CBFA2T2: variants seen among roughly 807,000 people sequenced by gnomAD.
CBFA2T2 encodes the protein protein CBFA2T2.
A neutral mutation model predicts 62.2 loss-of-function variants in CBFA2T2; 11 were observed. The ratio of observed to expected loss-of-function variants is 0.18; its 90% CI spans 0.11 to 0.29. The LOEUF (loss-of-function observed/expected upper bound fraction) is 0.29. Ranked by LOEUF, CBFA2T2 falls within the 10% of genes least tolerant of loss-of-function variation. The probability of loss-of-function intolerance (pLI) is 1.00; values close to 1 mark genes in which losing one functional copy is unlikely to be tolerated. For synonymous variants in CBFA2T2, 295 were observed against 287.5 expected, an observed-to-expected ratio of 1.03 and a Z score of -0.27; for missense variants, 592 against 774.1, an observed-to-expected ratio of 0.76 and a Z score of 2.79.
At chr20:33,562,844 A>G (rs533676421) in intron 1 of CBFA2T2, among the ~76,000 whole-genome samples, 200 of 151,906 alleles carry the variant, frequency 1.3e-3, no homozygotes, top group Non-Finnish European at 2.2e-3. Flanking sequence ...TTATGTTTCT[A>G]TTTTTCTGTT....
chr20:33,644,616 T>C lies in CBFA2T2; in HGVS notation c.1758T>C (p.Ser586=). 6.2e-7 allele frequency: 1 copy of C among 1,610,000 alleles called. No homozygotes were observed. The highest frequency in any genetic ancestry group is 8.5e-7 in the Non-Finnish European group (1 of 1,176,716). ...CATCGCGTTCCTCAACACCTGCTTC[T>C]GTGACAGCTATCGACACCAACGGAC... ...ATTSRSSTPA[S]VTAIDTNGL is the part of the protein sequence containing the mutation. The change falls in exon 11 of 11, where the codon TCT becomes TCC. Residue 586 remains serine, a synonymous_variant. Transcript: ENST00000342704.
intron 1 of CBFA2T2, among the ~76,000 whole-genome samples, chr20:33,511,565 A>G (rs575797172): frequency 6.6e-6 from 1 of 152,268 alleles, no homozygotes; most frequent in South Asian, 2.1e-4. Flanking sequence ...GTAAAGAGAA[A>G]AGTAACAGAA....
In CBFA2T2 at chr20:33,490,271, G is replaced by T; in HGVS notation, c.4G>T (p.Val2Leu). 8.0e-7 allele frequency: 1 copy of T among 1,255,146 alleles called. No homozygotes were observed. The allele number at this position is 1,255,146 out of a possible 1,614,324, so 77.8% of individuals were successfully genotyped here. The change falls in exon 1 of 11, where the codon GTA becomes TTA. Residue 2 changes from valine to leucine, a missense_variant. Around this residue, in one of 3 missense-constraint regions of CBFA2T2, gnomAD observed 449 missense variants for 551.2 expected, o/e 0.81. Transcript: ENST00000342704. MVGVPGAAAFQL... is the reference protein window; with the variant it reads MLGVPGAAAFQL... ...CGCGCGGCGGCGGCGCTCGGCGATG[G>T]TAGGCGTCCCTGGAGCGGCCGCCTT...
intron 1 of CBFA2T2, among the ~76,000 whole-genome samples, chr20:33,576,291 G>A (rs1387911151): frequency 6.6e-6 from 1 of 152,054 alleles, no homozygotes; most frequent in African/African-American, 2.4e-5. Context: ...ATCTAGCAGA[G>A]GTCTCATCTT....
chr20:33,530,211 TA>T (rs1208920329), intron 1 of CBFA2T2, among the ~76,000 whole-genome samples: 1 of 151,822 alleles, frequency 6.6e-6, no homozygotes, highest in Non-Finnish European at 1.5e-5. Flanking sequence ...AGGCATGAGC[TA>T]TCACACCCAG....
At position 33,648,633 on chromosome 20, in the gene CBFA2T2, C is replaced by T. The variant is rs890111814; in HGVS notation, c.*3987C>T. ...GCACGGTTGGGTGACCGTGGGGTCACCGATTGCGTAGATTATTTCTAGGGC... is the reference window on the plus strand; with the variant it reads ...GCACGGTTGGGTGACCGTGGGGTCATCGATTGCGTAGATTATTTCTAGGGC... On this transcript the variant is annotated 3_prime_UTR_variant, in exon 11 of 11. Transcript: ENST00000342704. 2.0e-5 allele frequency: 3 copies of T among 152,204 alleles called. No individual in the cohort carries two copies. Among genetic ancestry groups the T allele is most frequent in the African/African-American group, 7.2e-5 (3 of 41,434 alleles). 9.4% of individuals were successfully genotyped at this position (152,204 alleles called of 1,614,324 possible).
rs1258214054 is a variant in CBFA2T2 at position 33,619,597 on chromosome 20, A to G, written c.501A>G (p.Pro167=). The change falls in exon 4 of 11, where the codon CCA becomes CCG. Residue 167 remains proline, a synonymous_variant. Coordinates refer to ENST00000342704, the MANE Select transcript of CBFA2T2 (RefSeq NM_001032999.3). ...TTCCCCTTCGTCCTTTTGTGATTCC[A>G]TTTCTCAAGGTAATTTGATAATTAC... The part of the protein sequence containing the change: ...TNFPLRPFVI[P]FLKANLPLLQ... 2 of 1,595,960 alleles carry G rather than the reference A, an allele frequency of 1.3e-6. No homozygotes were observed. The highest frequency in any genetic ancestry group is 1.7e-6 in the Non-Finnish European group (2 of 1,168,354).
At chr20:33,562,424 G>T (rs1241014828) in intron 1 of CBFA2T2, 1 of 985,932 alleles carries the variant, frequency 1.0e-6, no homozygotes, top group Admixed American at 6.1e-5. Context: ...TGAAGAGCTG[G>T]TCTGTTTGGC....
chr20:33,600,473 C>G, intron 1 of CBFA2T2: 1 of 412,552 alleles, frequency 2.4e-6, no homozygotes, highest in South Asian at 1.7e-5. Flanking sequence ...CAGGTATGAG[C>G]CACTGCACCC....
intron 1 of CBFA2T2, among the ~76,000 whole-genome samples, chr20:33,579,629 C>G (rs2014015585): frequency 6.7e-6 from 1 of 150,282 alleles, no homozygotes; most frequent in African/African-American, 2.5e-5. Flanking sequence ...CGAGTTCCAG[C>G]AATATTTGCT....
chr20:33,529,951 A>AT (rs1441133920), intron 1 of CBFA2T2, among the ~76,000 whole-genome samples: 8 of 151,322 alleles, frequency 5.3e-5, no homozygotes, highest in Non-Finnish European at 1.0e-4. Flanking sequence ...CACCTGGATA[A>AT]TTTTTTTGTA....
chr20:33,516,723 C>G (rs2011604788), intron 1 of CBFA2T2, among the ~76,000 whole-genome samples: 1 of 152,198 alleles, frequency 6.6e-6, no homozygotes, highest in African/African-American at 2.4e-5. Context: ...TGTATATTTT[C>G]AGGCTTTTTG....
chr20:33,606,179 T>TA (rs1346541999), intron 1 of CBFA2T2, among the ~76,000 whole-genome samples: 2 of 152,180 alleles, frequency 1.3e-5, no homozygotes, highest in Non-Finnish European at 2.9e-5. Flanking sequence ...AGTTGAGGCC[T>TA]AAGTCTAGAT....
intron 1 of CBFA2T2, among the ~76,000 whole-genome samples, chr20:33,496,861 A>G (rs1436819438): frequency 6.6e-6 from 1 of 152,080 alleles, no homozygotes; most frequent in Non-Finnish European, 1.5e-5. Flanking sequence ...ACCTATATGG[A>G]CTACATCAAT....
chr20:33,597,297 T>G (rs2014934340), intron 1 of CBFA2T2, among the ~76,000 whole-genome samples: 1 of 152,190 alleles, frequency 6.6e-6, no homozygotes, highest in Non-Finnish European at 1.5e-5. Context: ...GTAGAAGACT[T>G]AGTAGTTACT....
intron 1 of CBFA2T2, among the ~76,000 whole-genome samples, chr20:33,596,944 T>G (rs1568842341): frequency 6.6e-6 from 1 of 151,496 alleles, no homozygotes; most frequent in African/African-American, 2.4e-5. Flanking sequence ...TTTTCTTTCT[T>G]TTTTTCAGTC....
At chr20:33,634,580 A>T (rs945711291) in intron 8 of CBFA2T2, among the ~76,000 whole-genome samples, 1 of 141,194 alleles carries the variant, frequency 7.1e-6, no homozygotes, top group African/African-American at 2.6e-5. Flanking sequence ...CTGAGGTAGG[A>T]GGATGGCTTG....
At chr20:33,608,136 A>T (rs954693919) in intron 2 of CBFA2T2, among the ~76,000 whole-genome samples, 4 of 152,200 alleles carry the variant, frequency 2.6e-5, no homozygotes, top group African/African-American at 9.6e-5. Flanking sequence ...AGTCCTATAT[A>T]TCTATAATCA....
chr20:33,597,837 A>C (rs1260207411), intron 1 of CBFA2T2, among the ~76,000 whole-genome samples: 1 of 152,190 alleles, frequency 6.6e-6, no homozygotes, highest in Non-Finnish European at 1.5e-5. Flanking sequence ...AGGGTCTCAT[A>C]TCGGGGAATC....
Sources: gnomAD v4.1 joint callset for allele counts (sites outside exome capture counted in the v4.1 genomes callset) on GRCh38, gnomAD v4.1.1 for gene constraint, gnomAD v4.1.1 regional missense constraint, MANE v1.5 for transcripts, NCBI Gene and HGNC (gene_info 2026-07-23, HGNC 2026-07-21) for gene names.